The following KMT2D variants were observed in gnomAD, a reference collection of about 807,000 sequenced individuals.
The protein encoded by KMT2D is histone-lysine N-methyltransferase 2D.
Under a neutral mutation model 512.7 loss-of-function variants are expected in KMT2D, and 55 were observed. That is an observed-to-expected ratio of 0.11 (90% confidence interval 0.09 to 0.13). KMT2D has a LOEUF of 0.13. KMT2D is among the 10% of genes least tolerant of loss of function. The pLI is 1.00. For synonymous variants in KMT2D, 2,995 were observed against 2,904.0 expected (o/e 1.03, Z -1.01); for missense variants, 6,061 against 7,127.9 (o/e 0.85, Z 5.39).
chr12:49,035,620 T>G (rs1943182570), intron 35 of KMT2D: 1 of 152,196 alleles, frequency 6.6e-6, no homozygotes. Context: ...AGTGCAATGG[T>G]GCAATTTAGG....
Position 49,027,899 on chromosome 12 carries a change from G to C in KMT2D, c.14547C>G (p.Ser4849Arg). Residue 4849 changes from serine to arginine, a missense_variant, in exon 48 of 55, where the codon AGC (serine) becomes AGG (arginine). By Grantham distance (110) the Ser-to-Arg change is moderately radical. Around this residue, in one of 16 missense-constraint regions of KMT2D, gnomAD observed 1,600 missense variants for 1,754.9 expected, o/e 0.91. Transcript: ENST00000301067. ...GGKEKGLEGK[S>R]PDTGPDWLKQ... ...TCAGCCAATCAGGGCCAGTGTCTGGGCTCTTGCCTTCCAGACCCTTTTCCT... is the reference window on the plus strand; with the variant it reads ...TCAGCCAATCAGGGCCAGTGTCTGGCCTCTTGCCTTCCAGACCCTTTTCCT... The C allele has an allele frequency of 6.2e-7, 1 of 1,613,722 alleles. No individual in the cohort carries two copies. Among genetic ancestry groups the C allele is most frequent in the Non-Finnish European group, 8.5e-7 (1 of 1,179,800 alleles).
At position 49,032,804 on chromosome 12, in the gene KMT2D, T is replaced by C; in HGVS notation, c.11901A>G (p.Gln3967=). ...QQQQQQQQQF[Q]QQQQQQQMGL... ...CCATCTGCTGCTGTTGCTGCTGCTG[T>C]TGAAACTGCTGCTGTTGTTGTTGCT... Residue 3967 remains glutamine, a synonymous_variant, in exon 40 of 55, where the codon CAA becomes CAG. Coordinates refer to ENST00000301067, the MANE Select transcript of KMT2D (RefSeq NM_003482.4). The C allele has an allele frequency of 1.3e-6, 2 of 1,551,900 alleles. No individual in the cohort carries two copies. Among genetic ancestry groups the C allele is most frequent in the Non-Finnish European group, 1.7e-6 (2 of 1,147,366 alleles).
In KMT2D at chr12:49,050,227, C is replaced by T; in HGVS notation, c.3361G>A (p.Asp1121Asn). Reference protein sequence around the residue: ...ALDDFSGLGEDTAPLDGIDAP... With the variant: ...ALDDFSGLGENTAPLDGIDAP... The stretch of plus-strand genomic sequence containing the variant: ...TCAATCCCATCCAGAGGGGCTGTGT[C>T]TTCCCCTAGGCCAGAGAAGTCATCC... The change falls in exon 12 of 55, where the codon GAC (aspartate) becomes AAC (asparagine). Residue 1121 changes from aspartate (D) to asparagine (N), a missense_variant. Asp to Asn is a conservative substitution (Grantham distance 23). This residue lies in a region of KMT2D where 447 missense variants were observed against 500.1 expected (regional missense o/e 0.89). Coordinates refer to ENST00000301067, the MANE Select transcript of KMT2D (RefSeq NM_003482.4). 1 of 1,613,664 alleles carries T rather than the reference C, an allele frequency of 6.2e-7. No homozygotes were observed. Among genetic ancestry groups the T allele is most frequent in the Non-Finnish European group, 8.5e-7 (1 of 1,179,782 alleles).
At chr12:49,021,937 T>C in intron 54 of KMT2D, 65 bp from the exon 55 acceptor site, 2 of 1,567,354 alleles carry the variant, frequency 1.3e-6, no homozygotes, top group Non-Finnish European at 1.8e-6. Flanking sequence ...CCAGAGAAGA[T>C]ATGATCTGAG....
Position 49,039,194 on chromosome 12 carries a change from A to T in KMT2D, c.8366+28T>A. On this transcript the variant is annotated intron_variant, in intron 34 of 54. Transcript: ENST00000301067. The surrounding 1 kb of genome is among the most constrained non-coding windows in gnomAD (Gnocchi z 5.0). ...TGATAAAATCCATCCCCCTTGGTTT[A>T]CCCCCAGGGAACCTCCTGGAGCCTC... The T allele has an allele frequency of 3.1e-6, 5 of 1,611,730 alleles. No individual in the cohort carries two copies. The highest frequency in any genetic ancestry group is 4.2e-6 in the Non-Finnish European group (5 of 1,179,030).
At chr12:49,047,466 G>T (rs1943847769) in intron 15 of KMT2D, among the ~76,000 whole-genome samples, 1 of 143,412 alleles carries the variant, frequency 7.0e-6, no homozygotes, top group Non-Finnish European at 1.5e-5. Context: ...AGGCTGGAGT[G>T]GAGTACAGTG....
At position 49,024,289 on chromosome 12, in the gene KMT2D, G is replaced by T. The variant is rs1337670891; in HGVS notation, c.16052+289C>A. Among the ~76,000 whole-genome samples the T allele has an allele frequency of 6.6e-6, 1 of 152,090 alleles. No homozygotes were observed. The highest frequency in any genetic ancestry group is 2.1e-4 in the South Asian group (1 of 4,824). ...AGAAGTAAAACAGGAGAAGAAAGAG[G>T]TGACCAAGTCCCTTATATATTTCAT... On this transcript the variant is annotated intron_variant, in intron 51 of 54. Transcript: ENST00000301067. This position sits in a 1 kb window ranked among gnomAD's most constrained non-coding sequence, Gnocchi z 4.5.
Position 49,026,113 on chromosome 12 carries a change from A to G in KMT2D, c.15784+69T>C. ...AGAAGCTACAGGTCCTCTTATAGACATTGTAACAGTGACCCTGGGAGAAAC... is the reference window on the plus strand; with the variant it reads ...AGAAGCTACAGGTCCTCTTATAGACGTTGTAACAGTGACCCTGGGAGAAAC... On this transcript the variant is annotated intron_variant, in intron 49 of 54. Coordinates refer to ENST00000301067, the MANE Select transcript of KMT2D (RefSeq NM_003482.4). This position sits in a 1 kb window ranked among gnomAD's most constrained non-coding sequence, Gnocchi z 9.6. 7.0e-7 allele frequency: 1 copy of G among 1,429,022 alleles called. No homozygotes were observed. The highest frequency in any genetic ancestry group is 9.5e-7 in the Non-Finnish European group (1 of 1,055,912). The allele number at this position is 1,429,022 out of a possible 1,614,324, so 88.5% of individuals were successfully genotyped here. A position where few individuals can be genotyped will look rare whatever the true frequency, so the allele number is the denominator to read the frequency against.
chr12:49,052,465 C>G (rs2120687994), intron 10 of KMT2D, 41 bp from the exon 11 acceptor site: 6 of 1,549,282 alleles, frequency 3.9e-6, no homozygotes, highest in Non-Finnish European at 5.3e-6. Flanking sequence ...TAGCTCAGAT[C>G]TACTCCACAG....
At position 49,031,015 on chromosome 12, in the gene KMT2D, G is replaced by C. The variant is rs745951896; in HGVS notation, c.13549C>G (p.Pro4517Ala). 4.2e-5 allele frequency: 68 copies of C among 1,613,732 alleles called. No individual in the cohort carries two copies. The Admixed American group carries it at 7.8e-4, about 19-fold the overall frequency. ...ACCCGCTTGGGCTTCGGTGTCAAAG[G>C]CTTCCTTGCTGCTGCATCCTAAGCC... ...SNKEDAAARKPLTPKPKRVQK... is the reference protein window; with the variant it reads ...SNKEDAAARKALTPKPKRVQK... The change falls in exon 41 of 55, where the codon CCT becomes GCT. Residue 4517 changes from proline to alanine, a missense_variant. By Grantham distance (27) the Pro-to-Ala change is conservative. Coordinates refer to ENST00000301067, the MANE Select transcript of KMT2D (RefSeq NM_003482.4).
rs1178919358 is a variant in KMT2D, at chr12:49,028,915, G to T, written c.14295C>A (p.Val4765=). The T allele has an allele frequency of 1.2e-6, 2 of 1,613,992 alleles. No individual in the cohort carries two copies. Among genetic ancestry groups the T allele is most frequent in the Admixed American group, 3.3e-5 (2 of 60,020 alleles). The change falls in exon 46 of 55, where the codon GTC becomes GTA. Residue 4765 remains valine, a synonymous_variant. Coordinates refer to ENST00000301067, the MANE Select transcript of KMT2D (RefSeq NM_003482.4). ...TKPYGALGLE[V]PGKLPVTTWE... ...AAGTTGTGACAGGCAGCTTTCCAGG[G>T]ACCTCCAGGCCAAGGGCCCCATAAG...
intron 46 of KMT2D, among the ~76,000 whole-genome samples, chr12:49,028,533 C>T (rs1163923352): frequency 6.6e-6 from 1 of 152,204 alleles, no homozygotes; most frequent in Non-Finnish European, 1.5e-5. Context: ...AAACAGCTGA[C>T]AGAGTCCCAC....
rs1342058884 is a variant in KMT2D at position 49,038,522 on chromosome 12, C to T, written c.8834G>A (p.Ser2945Asn). The T allele has an allele frequency of 6.2e-7, 1 of 1,609,380 alleles. No individual in the cohort carries two copies. The highest frequency in any genetic ancestry group is 1.1e-5 in the South Asian group (1 of 90,846). Residue 2945 changes from serine to asparagine, a missense_variant, in exon 35 of 55, where the codon AGT (serine) becomes AAT (asparagine). Ser to Asn is a conservative substitution (Grantham distance 46). Around this residue, in one of 16 missense-constraint regions of KMT2D, gnomAD observed 527 missense variants for 578.9 expected, o/e 0.91. Transcript: ENST00000301067. The surrounding 1 kb of genome is among the most constrained non-coding windows in gnomAD (Gnocchi z 5.7). ...SAPPAPELNN[S>N]LHPTPHTKGP... is the part of the protein sequence containing the mutation. ...CTTGGTGTGGGGTGTTGGATGAAGA[C>T]TGTTGTTCAATTCAGGGGCCGGTGG...
chr12:49,039,313 G>A lies in KMT2D; in HGVS notation c.8275C>T (p.Pro2759Ser). The A allele has an allele frequency of 6.2e-7, 1 of 1,613,732 alleles. No individual in the cohort carries two copies. Residue 2759 changes from proline to serine, a missense_variant, in exon 34 of 55, where the codon CCC becomes TCC. Pro to Ser is a moderately conservative substitution (Grantham distance 74, BLOSUM62 -1). Coordinates refer to ENST00000301067, the MANE Select transcript of KMT2D (RefSeq NM_003482.4). The surrounding 1 kb of genome is among the most constrained non-coding windows in gnomAD (Gnocchi z 5.0). ...GGGAAGGACCCTGGCCCCAGGATGG[G>A]GCCACTCAGCTTGCTTGGGGGCAAC... ...VGLPPSKLSG[P>S]ILGPGSFPSD...
At position 49,031,303 on chromosome 12, in the gene KMT2D, G is replaced by A. The variant is rs761717148; in HGVS notation, c.13402C>T (p.Arg4468Trp). ...AGHLLLQKLL[R>W]AKNVQLSTGR... is the part of the protein sequence containing the mutation. ...GTGCTGAGTTGCACATTCTTTGCCC[G>A]GAGTAGCTTCTGCAAGAGCAGATGC... is the stretch of plus-strand genomic sequence containing the variant. Residue 4468 changes from arginine (R) to tryptophan (W), a missense_variant, in exon 40 of 55, where the codon CGG becomes TGG. Arg to Trp is a moderately radical substitution (Grantham distance 101). This residue lies in a region of KMT2D where 1,600 missense variants were observed against 1,754.9 expected (regional missense o/e 0.91). Coordinates refer to ENST00000301067, the MANE Select transcript of KMT2D (RefSeq NM_003482.4). The A allele has an allele frequency of 8.1e-6, 13 of 1,613,508 alleles. No homozygotes were observed. Among genetic ancestry groups the A allele is most frequent in the East Asian group, 4.5e-5 (2 of 44,884 alleles).
chr12:49,058,871 G>A (rs1938568673), intron 1 of KMT2D, among the ~76,000 whole-genome samples: 1 of 152,078 alleles, frequency 6.6e-6, no homozygotes, highest in Non-Finnish European at 1.5e-5. Flanking sequence ...AAATCTCAAC[G>A]GCCTCCTCTA....
rs780298528 is a variant in KMT2D at position 49,031,027 on chromosome 12, C to T, written c.13537G>A (p.Ala4513Thr). 3.7e-6 allele frequency: 6 copies of T among 1,613,848 alleles called. No homozygotes were observed. The South Asian group carries it at 6.6e-5, about 18-fold the overall frequency. Residue 4513 changes from alanine (A) to threonine (T), a missense_variant, in exon 41 of 55, where the codon GCA (alanine) becomes ACA (threonine). Ala to Thr is a moderately conservative substitution (Grantham distance 58). This residue lies in a region of KMT2D where 1,600 missense variants were observed against 1,754.9 expected (regional missense o/e 0.91). Coordinates refer to ENST00000301067, the MANE Select transcript of KMT2D (RefSeq NM_003482.4). The stretch of plus-strand genomic sequence containing the variant: ...TTCGGTGTCAAAGGCTTCCTTGCTG[C>T]TGCATCCTAAGCCAAATAAGCCCAT... ...QGTPSNKEDA[A>T]ARKPLTPKPK...
chr12:49,042,031 C>T lies in KMT2D; in HGVS notation c.6110-41G>A, dbSNP rs78966570. The stretch of plus-strand genomic sequence containing the variant: ...AGTGAGTCAGAGAAGACTTGGCAGG[C>T]GACTCCTCCACCTGCCATGTTGCCA... On this transcript the variant is annotated intron_variant, in intron 29 of 54. Transcript: ENST00000301067. This position sits in a 1 kb window ranked among gnomAD's most constrained non-coding sequence, Gnocchi z 4.4. 13,596 of 1,610,556 alleles carry T rather than the reference C, an allele frequency of 8.4e-3. 991 individuals carry two copies. In the African/African-American group the frequency reaches 0.16, roughly 19 times the overall value.
chr12:49,019,482 A>T lies in KMT2D; in HGVS notation c.*2298T>A, dbSNP rs1427075061. 2 of 223,772 alleles carry T rather than the reference A, an allele frequency of 8.9e-6. No homozygotes were observed. Among genetic ancestry groups the T allele is most frequent in the African/African-American group, 4.5e-5 (2 of 44,732 alleles). 13.9% of individuals were successfully genotyped at this position (223,772 alleles called of 1,614,324 possible). A position where few individuals can be genotyped will look rare whatever the true frequency, so the allele number is the denominator to read the frequency against. On this transcript the variant is annotated 3_prime_UTR_variant, in exon 55 of 55. Coordinates refer to ENST00000301067, the MANE Select transcript of KMT2D (RefSeq NM_003482.4). Reference sequence around the variant, plus strand: ...CTGAGTTATAGTTTATATAAAAATTAAAAACTGTATAAGGTTTCTTCACTA... The same window carrying T: ...CTGAGTTATAGTTTATATAAAAATTTAAAACTGTATAAGGTTTCTTCACTA...
Sources: allele counts gnomAD v4.1 joint callset (sites outside exome capture counted in the v4.1 genomes callset), GRCh38; gene constraint gnomAD v4.1.1; regional missense constraint gnomAD v4.1.1; non-coding constraint Gnocchi (gnomAD v3.1); transcripts MANE v1.5; gene names NCBI Gene and HGNC (gene_info 2026-07-23, HGNC 2026-07-21).